COPA: variants seen among roughly 807,000 people sequenced by gnomAD.
COPA encodes the protein coatomer subunit alpha.
COPA carries 10 observed loss-of-function variants against 158.7 expected under a neutral mutation model. The observed-to-expected ratio is 0.06, with a 90% CI of 0.04 to 0.11. COPA has a LOEUF of 0.11. COPA is among the 10% of genes least tolerant of loss of function. The pLI, the probability that COPA is intolerant of heterozygous loss-of-function variation, is 1.00. For synonymous variants in COPA, 462 were observed against 542.8 expected (o/e 0.85, Z 2.07); for missense variants, 1,065 against 1,536.7 (o/e 0.69, Z 5.13).
intron 19 of COPA, 58 bp downstream of exon 19, chr1:160,298,787 G>A: frequency 1.3e-6 from 2 of 1,587,640 alleles, no homozygotes; most frequent in Non-Finnish European, 8.6e-7. Flanking sequence ...CCTCCCAATG[G>A]CACTCTAACT....
At position 160,289,009 on chromosome 1, in the gene COPA, C is replaced by T. The variant is rs1030928726; in HGVS notation, c.*1148G>A. Among the ~76,000 whole-genome samples the T allele has an allele frequency of 1.1e-4, 17 of 152,024 alleles. No homozygotes were observed. The highest frequency in any genetic ancestry group is 4.2e-4 in the South Asian group (2 of 4,818). ...TTTTTGAGATGGAGTCTCACTCTGT[C>T]GCCCAGGCTGGAGTGCGGTGGCGCG... On this transcript the variant is annotated 3_prime_UTR_variant, in exon 33 of 33. Transcript: ENST00000241704.
chr1:160,311,043 A>C (rs1299264261), intron 11 of COPA, among the ~76,000 whole-genome samples: 2 of 152,196 alleles, frequency 1.3e-5, no homozygotes, highest in African/African-American at 4.8e-5. Flanking sequence ...CATTCTACTC[A>C]TGACCACTTC....
At chr1:160,311,307 G>A (rs1192014944) in intron 11 of COPA, among the ~76,000 whole-genome samples, 1 of 151,942 alleles carries the variant, frequency 6.6e-6, no homozygotes, top group Non-Finnish European at 1.5e-5. Context: ...GTGTGGTGGT[G>A]CACACCTGTA....
Position 160,313,068 on chromosome 1 carries a change from G to C in COPA, c.925+17C>G. ...CTTTGAATTAAGCAAAGAAAAAAGAGAGAAAATGGCCCTTACCTGCTGCAA... is the reference window on the plus strand; with the variant it reads ...CTTTGAATTAAGCAAAGAAAAAAGACAGAAAATGGCCCTTACCTGCTGCAA... On this transcript the variant is annotated intron_variant, in intron 10 of 32. Transcript: ENST00000241704. 6.2e-7 allele frequency: 1 copy of C among 1,607,370 alleles called. No homozygotes were observed. Among genetic ancestry groups the C allele is most frequent in the Non-Finnish European group, 8.5e-7 (1 of 1,176,506 alleles).
intron 13 of COPA, 116 bp downstream of exon 13, chr1:160,308,985 C>T: frequency 3.8e-6 from 3 of 781,894 alleles, no homozygotes; most frequent in Non-Finnish European, 6.5e-6. Flanking sequence ...CACCTGCCAA[C>T]AGACATGAGT....
intron 6 of COPA, among the ~76,000 whole-genome samples, chr1:160,329,617 G>A (rs1557873915): frequency 6.6e-6 from 1 of 152,028 alleles, no homozygotes; most frequent in Non-Finnish European, 1.5e-5. Flanking sequence ...TTTTACAGTG[G>A]AGCCCTTCTC....
rs772463057 is a variant in COPA at position 160,335,213 on chromosome 1, C to T, written c.309+29G>A. 4 of 1,579,052 alleles carry T rather than the reference C, an allele frequency of 2.5e-6. No individual in the cohort carries two copies. The South Asian group carries it at 4.7e-5, about 19-fold the overall frequency. ...TTACTATGGGGAAACTAAGAATGCTCCAAAACTAGCGCCACCATGACTACT... is the reference window on the plus strand; with the variant it reads ...TTACTATGGGGAAACTAAGAATGCTTCAAAACTAGCGCCACCATGACTACT... On this transcript the variant is annotated intron_variant, in intron 4 of 32. Transcript: ENST00000241704.
At chr1:160,331,630 C>T (rs919705413) in intron 6 of COPA, among the ~76,000 whole-genome samples, 1 of 133,664 alleles carries the variant, frequency 7.5e-6, no homozygotes, top group African/African-American at 2.9e-5. Context: ...ATGGGTGAGA[C>T]AGAGTGAGAC....
rs1383673960 is a variant in COPA at position 160,311,919 on chromosome 1, C to T, written c.1025G>A (p.Arg342Gln). Reference sequence around the variant, plus strand: ...TTTGGAGCTGTTGAAATCCAGCTGTCGTAAGAATCGGTCCTTGACATAGTG... The same window carrying T: ...TTTGGAGCTGTTGAAATCCAGCTGTTGTAAGAATCGGTCCTTGACATAGTG... The part of the protein sequence containing the change: ...MLHYVKDRFL[R>Q]QLDFNSSKDV... The change falls in exon 11 of 33, where the codon CGA (arginine) becomes CAA (glutamine). Residue 342 changes from arginine (R) to glutamine (Q), a missense_variant. Arg to Gln is a conservative substitution (Grantham distance 43). Coordinates refer to ENST00000241704, the MANE Select transcript of COPA (RefSeq NM_004371.4). The T allele has an allele frequency of 3.7e-6, 6 of 1,613,984 alleles. No homozygotes were observed. The highest frequency in any genetic ancestry group is 1.1e-5 in the South Asian group (1 of 91,064).
At chr1:160,335,996 A>G (rs1571185144) in intron 3 of COPA, among the ~76,000 whole-genome samples, 1 of 151,888 alleles carries the variant, frequency 6.6e-6, no homozygotes, top group South Asian at 2.1e-4. Flanking sequence ...TTCTACTGCA[A>G]AATTGTGCTC....
chr1:160,333,658 C>T lies in COPA; in HGVS notation c.331G>A (p.Ala111Thr), dbSNP rs377473059. The T allele has an allele frequency of 8.1e-6, 13 of 1,612,980 alleles. No individual in the cohort carries two copies. The highest frequency in any genetic ancestry group is 1.7e-4 in the Middle Eastern group (1 of 6,060). Reference sequence around the variant, plus strand: ...ACTCGGATGGTCTGATCATCGGAGGCACTCAGAATCCAGGGATATTCCTGA... The same window carrying T: ...ACTCGGATGGTCTGATCATCGGAGGTACTCAGAATCCAGGGATATTCCTGA... ...FHHEYPWILS[A>T]SDDQTIRVWN... is the part of the protein sequence containing the mutation. Residue 111 changes from alanine (A) to threonine (T), a missense_variant, in exon 5 of 33, where the codon GCC becomes ACC. Ala to Thr is a moderately conservative substitution (Grantham distance 58). This residue lies in a region of COPA where 85 missense variants were observed against 178.9 expected (regional missense o/e 0.48). Coordinates refer to ENST00000241704, the MANE Select transcript of COPA (RefSeq NM_004371.4).
intron 1 of COPA, 52 bp downstream of exon 1, chr1:160,343,079 A>C (rs941072120): frequency 6.2e-7 from 1 of 1,610,084 alleles, no homozygotes; most frequent in Non-Finnish European, 8.5e-7. Context: ...CCCCGGTGTC[A>C]GCGCCGCTCC....
At chr1:160,337,853 A>G (rs1405142290) in intron 3 of COPA, among the ~76,000 whole-genome samples, 2 of 151,866 alleles carry the variant, frequency 1.3e-5, no homozygotes, top group Non-Finnish European at 2.9e-5. Context: ...TACAGTTCAA[A>G]TACCATACAA....
At chr1:160,332,413 A>G in intron 6 of COPA, 35 bp downstream of exon 6, 1 of 1,476,218 alleles carries the variant, frequency 6.8e-7, no homozygotes, top group Non-Finnish European at 9.4e-7. Flanking sequence ...TGCACCAGAG[A>G]TGACCAGGTT....
rs1439154863 is a variant in COPA, at chr1:160,305,789, ATG to A, written c.1443-18_1443-17del. 1 of 1,593,852 alleles carries A rather than the reference ATG, an allele frequency of 6.3e-7. No homozygotes were observed. The highest frequency in any genetic ancestry group is 8.6e-7 in the Non-Finnish European group (1 of 1,162,282). On this transcript the variant is annotated splice_polypyrimidine_tract_variant and intron_variant, in intron 15 of 32. Transcript: ENST00000241704. ...TGCCAGAGTCCTGAGATAGATAGAG[ATG>A]TGCAAACATGAATGGATCTATTTCC...
intron 31 of COPA, among the ~76,000 whole-genome samples, chr1:160,290,894 G>A (rs1381534827): frequency 6.6e-6 from 1 of 152,146 alleles, no homozygotes; most frequent in Admixed American, 6.5e-5. Context: ...TACAAAAGTG[G>A]CTCCATAATC....
intron 12 of COPA, among the ~76,000 whole-genome samples, chr1:160,309,569 T>C (rs906852625): frequency 6.6e-6 from 1 of 150,752 alleles, no homozygotes; most frequent in Non-Finnish European, 1.5e-5. Flanking sequence ...ACTATAGGAA[T>C]GCAAATGTTT....
chr1:160,320,608 C>CAAAAAAAA (rs56849348), intron 8 of COPA, among the ~76,000 whole-genome samples: 5 of 15,494 alleles, frequency 3.2e-4, no homozygotes, highest in Admixed American at 1.0e-3. Flanking sequence ...GACTCCAACT[C>CAAAAAAAA]AAAAAAAAAA....
In COPA at chr1:160,294,821, T is replaced by C. The variant is rs1658348234; in HGVS notation, c.2513A>G (p.Asp838Gly). Residue 838 changes from aspartate (D) to glycine (G), a missense_variant, in exon 24 of 33, where the codon GAC becomes GGC. By Grantham distance (94) the Asp-to-Gly change is moderately conservative. This residue lies in a region of COPA where 980 missense variants were observed against 1,357.8 expected (regional missense o/e 0.72). Transcript: ENST00000241704. The part of the protein sequence containing the change: ...GGALAADIDI[D>G]TVGTEGWGED... ...TCCCCAGCCCTCTGTACCAACAGTG[T>C]CAATGTCAATGTCAGCAGCCAGTGC... The C allele has an allele frequency of 6.2e-7, 1 of 1,613,560 alleles. No individual in the cohort carries two copies. Among genetic ancestry groups the C allele is most frequent in the Non-Finnish European group, 8.5e-7 (1 of 1,179,638 alleles).
Sources: allele counts gnomAD v4.1 joint callset (sites outside exome capture counted in the v4.1 genomes callset), GRCh38; gene constraint gnomAD v4.1.1; regional missense constraint gnomAD v4.1.1; transcripts MANE v1.5; gene names NCBI Gene and HGNC (gene_info 2026-07-23, HGNC 2026-07-21).